The following AFF2 variants were observed in gnomAD, a reference collection of about 807,000 sequenced individuals.
AFF2 encodes the protein ALF transcription elongation factor 2, also known as AF4/FMR2 family member 2.
A neutral mutation model predicts 76.9 loss-of-function variants in AFF2; 14 were observed. That is an observed-to-expected ratio of 0.18 (90% CI 0.12 to 0.28). The LOEUF is 0.28. AFF2 is among the 10% of genes least tolerant of loss of function. The pLI is 1.00. For missense variants in AFF2, 868 were observed against 1,001.1 expected (o/e 0.87, Z 1.79); for synonymous variants, 398 against 366.7 (o/e 1.09, Z -0.98).
At chrX:148,885,802 A>G (rs2071151510) in intron 7 of AFF2, 87 bp from the exon 8 acceptor site, 6 of 804,043 alleles carry the variant, frequency 7.5e-6, no homozygotes, top group Non-Finnish European at 9.5e-6. Flanking sequence ...TTGTAGCTCC[A>G]ATACTTTATT....
rs188275424 is a variant in AFF2, at chrX:148,797,272, G to A, written c.1042-12604G>A. Among the ~76,000 whole-genome samples, 40 of 111,831 alleles carry A rather than the reference G, an allele frequency of 3.6e-4. 1 individual carries two copies. The highest frequency in any genetic ancestry group is 3.3e-3 in the Admixed American group (35 of 10,535). On this transcript the variant is annotated intron_variant, in intron 3 of 20. Transcript: ENST00000370460. ...TAAAGACTGGATTCTAAGCCAACCC[G>A]CTTGTTTTACATCTGGGAAAACTGT...
chrX:148,671,482 A>T (rs1557259078), intron 3 of AFF2, among the ~76,000 whole-genome samples: 1 of 111,858 alleles, frequency 8.9e-6, no homozygotes, highest in East Asian at 2.8e-4. Context: ...GGCTTTTGTC[A>T]CATGAGGAGA....
At position 148,974,170 on chromosome X, in the gene AFF2, A is replaced by C. The variant is rs145044407; in HGVS notation, c.3404+563A>C. Among the ~76,000 whole-genome samples the C allele has an allele frequency of 3.3e-4, 36 of 109,653 alleles. No individual in the cohort carries two copies. In the East Asian group the frequency reaches 0.01, roughly 31 times the overall value. ...GAATAAGAGAGGGGATATTAACTGC[A>C]CACATTATTGGTTTCATTTACATTT... On this transcript the variant is annotated intron_variant, in intron 16 of 20. Coordinates refer to ENST00000370460, the MANE Select transcript of AFF2 (RefSeq NM_002025.4).
chrX:148,698,806 T>G (rs2054752706), intron 3 of AFF2, among the ~76,000 whole-genome samples: 1 of 107,106 alleles, frequency 9.3e-6, no homozygotes, highest in Non-Finnish European at 1.9e-5. Flanking sequence ...TGTTTTTTTT[T>G]TTTTTTTTTT....
At chrX:148,681,271 A>T (rs1451941611) in intron 3 of AFF2, among the ~76,000 whole-genome samples, 2 of 111,483 alleles carry the variant, frequency 1.8e-5, no homozygotes, top group Non-Finnish European at 3.8e-5. Context: ...ACTTTTCACA[A>T]TACCTTGGGG....
Position 148,956,417 on chromosome X carries a change from C to T in AFF2, c.2372C>T (p.Pro791Leu). Residue 791 changes from proline (P) to leucine (L), a missense_variant, in exon 11 of 21, where the codon CCT (proline) becomes CTT (leucine). By Grantham distance (98) the Pro-to-Leu change is moderately conservative. This residue lies in a region of AFF2 where 532 missense variants were observed against 564.2 expected (regional missense o/e 0.94). Transcript: ENST00000370460. ...GTCATGCAAACTGAAATCCTGTCCCCTCTGCGAGATCATGAGAACCTGAAA... is the reference window on the plus strand; with the variant it reads ...GTCATGCAAACTGAAATCCTGTCCCTTCTGCGAGATCATGAGAACCTGAAA... ...IPVMQTEILSPLRDHENLKNL... is the reference protein window; with the variant it reads ...IPVMQTEILSLLRDHENLKNL... 3 of 1,211,471 alleles carry T rather than the reference C, an allele frequency of 2.5e-6. No homozygotes were observed. The highest frequency in any genetic ancestry group is 3.4e-6 in the Non-Finnish European group (3 of 895,298).
At chrX:148,627,123 A>C (rs183035552) in intron 1 of AFF2, among the ~76,000 whole-genome samples, 61 of 111,856 alleles carry the variant, frequency 5.5e-4, no homozygotes, top group African/African-American at 1.9e-3. Flanking sequence ...ATGTTGGGGA[A>C]TTACTTGAGC....
intron 3 of AFF2, among the ~76,000 whole-genome samples, chrX:148,801,616 G>T (rs1005887143): frequency 8.9e-6 from 1 of 111,753 alleles, no homozygotes; most frequent in Non-Finnish European, 1.9e-5. Flanking sequence ...CTCTTCAGTT[G>T]TGTCTTGATC....
At chrX:148,539,387 A>G (rs1318115646) in intron 1 of AFF2, among the ~76,000 whole-genome samples, 1 of 111,316 alleles carries the variant, frequency 9.0e-6, no homozygotes, top group African/African-American at 3.3e-5. Flanking sequence ...CAGCCATGCT[A>G]TTTTCGTTAG....
At chrX:148,593,385 T>C (rs180819826) in intron 1 of AFF2, among the ~76,000 whole-genome samples, 288 of 112,094 alleles carry the variant, frequency 2.6e-3, no homozygotes, top group African/African-American at 8.9e-3. Context: ...TTGTAACCCT[T>C]GCCTAGTGTT....
At chrX:148,573,696 T>C (rs1341705622) in intron 1 of AFF2, among the ~76,000 whole-genome samples, 12 of 111,299 alleles carry the variant, frequency 1.1e-4, no homozygotes, top group African/African-American at 3.9e-4. Context: ...TCCCACAACA[T>C]AGGCAACTTT....
intron 9 of AFF2, among the ~76,000 whole-genome samples, chrX:148,941,854 C>CCAGTAACACATAT (rs1557285611): frequency 6.8e-5 from 2 of 29,366 alleles, no homozygotes; most frequent in Non-Finnish European, 3.3e-4. Flanking sequence ...TCTGTTGATA[C>CCAGTAACACATAT]ACATTTCACA....
intron 9 of AFF2, among the ~76,000 whole-genome samples, chrX:148,948,203 G>A (rs1557286292): frequency 8.9e-6 from 1 of 112,174 alleles, no homozygotes; most frequent in Admixed American, 9.5e-5. Flanking sequence ...ATCTGAATTA[G>A]TAAAAAGTCT....
At chrX:148,781,573 A>T (rs1281490423) in intron 3 of AFF2, among the ~76,000 whole-genome samples, 1 of 111,609 alleles carries the variant, frequency 9.0e-6, no homozygotes, top group African/African-American at 3.3e-5. Flanking sequence ...TCCCAGGTCG[A>T]CTTCAGACTG....
intron 1 of AFF2, among the ~76,000 whole-genome samples, chrX:148,571,028 G>A (rs1557242447): frequency 8.9e-6 from 1 of 111,852 alleles, no homozygotes; most frequent in African/African-American, 3.3e-5. Context: ...ACATTCTGAT[G>A]TGCTGAAGGT....
At chrX:148,788,160 C>G (rs1334644800) in intron 3 of AFF2, among the ~76,000 whole-genome samples, 3 of 111,628 alleles carry the variant, frequency 2.7e-5, no homozygotes, top group Admixed American at 9.5e-5. Context: ...CACATCCTAA[C>G]TGGGTTAGGC....
At chrX:148,743,324 T>G (rs189981483) in intron 3 of AFF2, among the ~76,000 whole-genome samples, 1 of 112,215 alleles carries the variant, frequency 8.9e-6, no homozygotes, top group African/African-American at 3.2e-5. Context: ...GTCCTTCAAT[T>G]GATGAAAGTG....
chrX:148,512,035 C>T (rs782236138), intron 1 of AFF2, among the ~76,000 whole-genome samples: 2 of 111,696 alleles, frequency 1.8e-5, no homozygotes, highest in Non-Finnish European at 3.8e-5. Flanking sequence ...TTAAATGAAG[C>T]AGACTTTAAG....
chrX:148,956,062 G>T lies in AFF2; in HGVS notation c.2017G>T (p.Ala673Ser). ...LHDPPRGRNKATAHKPAPRKE... is the reference protein window; with the variant it reads ...LHDPPRGRNKSTAHKPAPRKE... Reference sequence around the variant, plus strand: ...TGACCCACCAAGAGGCCGCAACAAAGCCACTGCCCACAAACCAGCCCCTAG... The same window carrying T: ...TGACCCACCAAGAGGCCGCAACAAATCCACTGCCCACAAACCAGCCCCTAG... The change falls in exon 11 of 21, where the codon GCC becomes TCC. Residue 673 changes from alanine to serine, a missense_variant. Physicochemically the swap from Ala to Ser is moderately conservative, Grantham distance 99. Coordinates refer to ENST00000370460, the MANE Select transcript of AFF2 (RefSeq NM_002025.4). 7.4e-6 allele frequency: 9 copies of T among 1,210,798 alleles called. No individual in the cohort carries two copies. Among genetic ancestry groups the T allele is most frequent in the Non-Finnish European group, 1.0e-5 (9 of 895,298 alleles).
Sources: allele counts gnomAD v4.1 joint callset (sites outside exome capture counted in the v4.1 genomes callset), GRCh38; gene constraint gnomAD v4.1.1; regional missense constraint gnomAD v4.1.1; transcripts MANE v1.5; gene names NCBI Gene and HGNC (gene_info 2026-07-23, HGNC 2026-07-21).